RIT2: variants seen among roughly 807,000 people sequenced by gnomAD.
RIT2 encodes Ras like without CAAX 2, also known as GTP-binding protein Rit2.
Under a neutral mutation model 23.7 loss-of-function variants are expected in RIT2, and 24 were observed. That is an observed-to-expected ratio of 1.01 (90% CI 0.73 to 1.43). The LOEUF (loss-of-function observed/expected upper bound fraction) is 1.43, where lower values mean the gene tolerates loss of function less well. RIT2 is among the 40% of genes most tolerant of loss of function. RIT2 has a pLI of 0.00. For missense variants in RIT2, 236 were observed against 266.9 expected (o/e 0.88, Z 0.81); for synonymous variants, 107 against 91.1 (o/e 1.17, Z -0.99).
intron 1 of RIT2, among the ~76,000 whole-genome samples, chr18:43,081,014 T>C (rs1913145756): frequency 6.6e-6 from 1 of 152,178 alleles, no homozygotes; most frequent in African/African-American, 2.4e-5. Flanking sequence ...TAAATGAACC[T>C]GAAAGTTTCC....
At chr18:42,903,192 GCTT>G (rs1349151532) in intron 4 of RIT2, among the ~76,000 whole-genome samples, 1 of 151,962 alleles carries the variant, frequency 6.6e-6, no homozygotes, top group Non-Finnish European at 1.5e-5. Flanking sequence ...ATGTTAATGT[GCTT>G]CTTTCAGAAT....
Position 42,786,885 on chromosome 18 carries a change from A to C in RIT2, c.427-43165T>G, listed in dbSNP as rs544425291. On this transcript the variant is annotated intron_variant, in intron 4 of 4. Coordinates refer to ENST00000326695, the MANE Select transcript of RIT2 (RefSeq NM_002930.4). Reference sequence around the variant, plus strand: ...ATGTTGTTTTATCCTCATCCTGTTCAGAATTTCTACAGCTCTGATTATCAT... The same window carrying C: ...ATGTTGTTTTATCCTCATCCTGTTCCGAATTTCTACAGCTCTGATTATCAT... Among the ~76,000 whole-genome samples, 3 of 152,290 alleles carry C rather than the reference A, an allele frequency of 2.0e-5. No homozygotes were observed. In the East Asian group the frequency reaches 5.8e-4, roughly 29 times the overall value.
At chr18:42,865,263 C>T (rs1292428296) in intron 4 of RIT2, among the ~76,000 whole-genome samples, 1 of 152,170 alleles carries the variant, frequency 6.6e-6, no homozygotes, top group African/African-American at 2.4e-5. Flanking sequence ...CCTGGGCATG[C>T]TATGTTGGGC....
intron 3 of RIT2, among the ~76,000 whole-genome samples, chr18:42,964,966 CA>C (rs1371816302): frequency 6.8e-6 from 1 of 148,118 alleles, no homozygotes; most frequent in Admixed American, 6.7e-5. Flanking sequence ...TTTGCTTGAG[CA>C]AAAACAGTTG....
chr18:43,025,106 G>T (rs1911682470), intron 2 of RIT2, among the ~76,000 whole-genome samples: 1 of 151,842 alleles, frequency 6.6e-6, no homozygotes, highest in Admixed American at 6.6e-5. Context: ...TACTCAGGAG[G>T]CTGAGGCAAG....
At chr18:42,765,409 T>A (rs1195962501) in intron 4 of RIT2, among the ~76,000 whole-genome samples, 1 of 152,176 alleles carries the variant, frequency 6.6e-6, no homozygotes, top group Non-Finnish European at 1.5e-5. Context: ...TCCACAGGTA[T>A]TTTACAACAT....
chr18:42,864,590 C>A (rs930757095), intron 4 of RIT2, among the ~76,000 whole-genome samples: 1 of 152,120 alleles, frequency 6.6e-6, no homozygotes, highest in African/African-American at 2.4e-5. Flanking sequence ...CAAAGAGACT[C>A]GCTCATATTG....
intron 1 of RIT2, among the ~76,000 whole-genome samples, chr18:43,104,075 T>C (rs529294211): frequency 7.2e-5 from 11 of 152,180 alleles, no homozygotes; most frequent in Non-Finnish European, 1.5e-4. Flanking sequence ...AAATGTCATA[T>C]ACATACACAA....
chr18:42,952,404 C>G (rs183053127), intron 3 of RIT2, among the ~76,000 whole-genome samples: 1 of 151,976 alleles, frequency 6.6e-6, no homozygotes, highest in Admixed American at 6.6e-5. Context: ...GATTATTAGT[C>G]AAAAGGTACA....
chr18:42,885,503 G>A (rs752446420), intron 4 of RIT2, among the ~76,000 whole-genome samples: 4 of 152,180 alleles, frequency 2.6e-5, no homozygotes, highest in East Asian at 1.9e-4. Flanking sequence ...GGAGAATGGC[G>A]TGAACCTGGG....
intron 4 of RIT2, among the ~76,000 whole-genome samples, chr18:42,783,017 A>C (rs1158098980): frequency 6.6e-6 from 1 of 152,136 alleles, no homozygotes; most frequent in Non-Finnish European, 1.5e-5. Context: ...CCAGTGGACC[A>C]ACCAGGATAT....
At chr18:43,050,775 A>C (rs1912361976) in intron 1 of RIT2, among the ~76,000 whole-genome samples, 1 of 152,076 alleles carries the variant, frequency 6.6e-6, no homozygotes, top group Non-Finnish European at 1.5e-5. Context: ...AAAACCCAAA[A>C]GGACAGGGTT....
chr18:42,901,076 G>A (rs1908463498), intron 4 of RIT2, among the ~76,000 whole-genome samples: 2 of 151,980 alleles, frequency 1.3e-5, no homozygotes. Flanking sequence ...GCATCAAATT[G>A]AATTAGTACT....
intron 1 of RIT2, among the ~76,000 whole-genome samples, chr18:43,066,019 C>A (rs752627036): frequency 2.0e-5 from 3 of 152,108 alleles, no homozygotes; most frequent in Non-Finnish European, 2.9e-5. Flanking sequence ...TAATTTATAG[C>A]ATTATTTCTC....
At chr18:43,005,267 T>C (rs1038797219) in intron 2 of RIT2, among the ~76,000 whole-genome samples, 11 of 151,854 alleles carry the variant, frequency 7.2e-5, no homozygotes, top group African/African-American at 1.2e-4. Context: ...TAGATAGTTA[T>C]TGTAAAGTTG....
chr18:42,760,080 A>G (rs1205423285), intron 4 of RIT2, among the ~76,000 whole-genome samples: 3 of 152,144 alleles, frequency 2.0e-5, no homozygotes, highest in African/African-American at 7.2e-5. Context: ...CCTGGCCTAT[A>G]TTTTTAAAAT....
chr18:42,916,934 T>G (rs1473198166), intron 4 of RIT2, among the ~76,000 whole-genome samples: 3 of 152,102 alleles, frequency 2.0e-5, no homozygotes, highest in Admixed American at 6.6e-5. Context: ...ACAGAGTCTT[T>G]ACCAAACTAG....
Position 42,923,740 on chromosome 18 carries a change from C to T in RIT2, c.258G>A (p.Glu86=), listed in dbSNP as rs1053189130. The change falls in exon 4 of 5, where the codon GAG becomes GAA. Residue 86 remains glutamate, a synonymous_variant. Coordinates refer to ENST00000326695, the MANE Select transcript of RIT2 (RefSeq NM_002930.4). The part of the protein sequence containing the change: ...AGQAEFTAMR[E]QYMRGGEGFI... ...AGCCTTCCCCACCTCGCATGTACTG[C>T]TCCCGCATGGCTGTGAATTCTGCCT... 3.1e-6 allele frequency: 5 copies of T among 1,608,848 alleles called. 1 individual carries two copies. The highest frequency in any genetic ancestry group is 2.2e-5 in the South Asian group (2 of 90,390).
intron 1 of RIT2, among the ~76,000 whole-genome samples, chr18:43,041,668 T>C (rs1270431782): frequency 6.6e-6 from 1 of 152,164 alleles, no homozygotes; most frequent in Non-Finnish European, 1.5e-5. Flanking sequence ...GTGGACGTCT[T>C]TTTTCATGCA....
Sources: allele counts gnomAD v4.1 joint callset (sites outside exome capture counted in the v4.1 genomes callset), GRCh38; gene constraint gnomAD v4.1.1; transcripts MANE v1.5; gene names NCBI Gene and HGNC (gene_info 2026-07-23, HGNC 2026-07-21).